TSC2: variants seen among roughly 807,000 people sequenced by gnomAD.
The protein encoded by TSC2 is tuberin.
TSC2 carries 29 observed loss-of-function variants against 202.2 expected under a neutral mutation model. The observed-to-expected ratio is 0.14, with a 90% CI of 0.11 to 0.20. The LOEUF (loss-of-function observed/expected upper bound fraction) is 0.20, where lower values mean the gene tolerates loss of function less well. TSC2 is among the 10% of genes least tolerant of loss of function. TSC2 has a pLI of 1.00. For synonymous variants in TSC2, 1,349 were observed against 1,044.0 expected (o/e 1.29, Z -5.63); for missense variants, 2,429 against 2,420.0 (o/e 1.00, Z -0.08).
At position 2,061,852 on chromosome 16, in the gene TSC2, A is replaced by G; in HGVS notation, c.1120-19A>G. On this transcript the variant is annotated intron_variant, in intron 11 of 41. Transcript: ENST00000219476. ...TGGGGAGTGGAAGTCAGCCTGTGTC[A>G]TCGTGCCTGGTACTGCAGACCTTGG... 1 of 1,614,052 alleles carries G rather than the reference A, an allele frequency of 6.2e-7. No individual in the cohort carries two copies. Among genetic ancestry groups the G allele is most frequent in the Non-Finnish European group, 8.5e-7 (1 of 1,180,010 alleles).
intron 18 of TSC2, 35 bp downstream of exon 18, chr16:2,071,651 AGGGCGTCAGAGGCGCTG>A: frequency 6.2e-7 from 1 of 1,611,068 alleles, no homozygotes; most frequent in South Asian, 1.1e-5. Context: ...CATGAGGCTC[AGGGCGTCAGAGGCGCTG>A]GGGCTGTGGT....
chr16:2,059,809 G>T (rs1596294625), intron 10 of TSC2, among the ~76,000 whole-genome samples: 1 of 152,120 alleles, frequency 6.6e-6, no homozygotes, highest in East Asian at 1.9e-4. Context: ...ATGAGTCACC[G>T]TGCCCGGCCA....
chr16:2,063,463 C>A, intron 14 of TSC2: 1 of 318,352 alleles, frequency 3.1e-6, no homozygotes, highest in South Asian at 3.0e-5. Context: ...TGCGGGCTCT[C>A]CCTCTCCACT....
At chr16:2,059,323 C>CTT (rs2086316499) in intron 10 of TSC2, among the ~76,000 whole-genome samples, 1 of 147,184 alleles carries the variant, frequency 6.8e-6, no homozygotes, top group African/African-American at 2.5e-5. Flanking sequence ...TGGCCAAAGG[C>CTT]TTTTTTCTCT....
rs1385373190 is a variant in TSC2, at chr16:2,070,483, C to G, written c.1744C>G (p.His582Asp). ...QTKLYTLPASHATRVYEMLVS... is the reference protein window; with the variant it reads ...QTKLYTLPASDATRVYEMLVS... ...CAAGCTGTACACCCTGCCTGCAAGC[C>G]ACGCCACGCGTGTGTATGAGATGCT... The change falls in exon 17 of 42, where the codon CAC becomes GAC. Residue 582 changes from histidine to aspartate, a missense_variant. Transcript: ENST00000219476. The G allele has an allele frequency of 1.9e-6, 3 of 1,613,416 alleles. No individual in the cohort carries two copies. The highest frequency in any genetic ancestry group is 2.5e-6 in the Non-Finnish European group (3 of 1,180,030).
intron 38 of TSC2, 68 bp downstream of exon 38, chr16:2,086,939 G>T: frequency 6.5e-7 from 1 of 1,545,940 alleles, no homozygotes; most frequent in East Asian, 2.4e-5. Context: ...CGGGTTGGTG[G>T]CAGGTCCTCC....
Position 2,048,136 on chromosome 16 carries a change from G to C in TSC2, c.-30+71G>C, listed in dbSNP as rs1033855880. On this transcript the variant is annotated intron_variant, in intron 1 of 41. Transcript: ENST00000219476. ...GCGGCCTAGAGAGGCGGACCCCGCA[G>C]TGTCCGGGTCCCGGGCCCTCACCCG... 7.9e-6 allele frequency: 12 copies of C among 1,516,748 alleles called. No individual in the cohort carries two copies. In the African/African-American group the frequency reaches 1.5e-4, roughly 19 times the overall value. The allele number at this position is 1,516,748 out of a possible 1,614,324, so 94.0% of individuals were successfully genotyped here.
intron 20 of TSC2, 76 bp from the exon 21 acceptor site, chr16:2,072,772 AG>A: frequency 6.2e-7 from 1 of 1,608,448 alleles, no homozygotes; most frequent in Non-Finnish European, 8.5e-7. Flanking sequence ...CTGCGTTCCC[AG>A]GGCCTCCCCA....
At chr16:2,082,148 G>A in intron 31 of TSC2, 2 of 593,628 alleles carry the variant, frequency 3.4e-6, no homozygotes, top group East Asian at 2.8e-5. Context: ...TGCGCACTCT[G>A]GGCCCCCACC....
rs919866978 is a variant in TSC2, at chr16:2,073,123, C to T, written c.2355+140C>T. 6 of 1,368,868 alleles carry T rather than the reference C, an allele frequency of 4.4e-6. No individual in the cohort carries two copies. The Admixed American group carries it at 8.0e-5, about 18-fold the overall frequency. 84.8% of individuals were successfully genotyped at this position (1,368,868 alleles called of 1,614,324 possible). On this transcript the variant is annotated intron_variant, in intron 21 of 41. Coordinates refer to ENST00000219476, the MANE Select transcript of TSC2 (RefSeq NM_000548.5). ...GAGTTGGCTCTGCTTCCCTGGGTGG[C>T]TGCCAGATGCCCAGAGTGGGGACAT...
At chr16:2,058,324 G>A (rs1167091112) in intron 9 of TSC2, among the ~76,000 whole-genome samples, 1 of 152,216 alleles carries the variant, frequency 6.6e-6, no homozygotes, top group East Asian at 1.9e-4. Flanking sequence ...GAGTTACTCT[G>A]TTTACTGAGG....
At chr16:2,086,900 GC>G in intron 38 of TSC2, 29 bp downstream of exon 38, 4 of 1,559,122 alleles carry the variant, frequency 2.6e-6, no homozygotes, top group Non-Finnish European at 3.5e-6. Flanking sequence ...GTGAGGCTGG[GC>G]CCCAGGCAGG....
chr16:2,083,068 G>A (rs773509153), intron 32 of TSC2: 25 of 454,500 alleles, frequency 5.5e-5, no homozygotes, highest in African/African-American at 2.4e-4. Flanking sequence ...TGCGTGGGAC[G>A]GGCCCTGGGG....
chr16:2,059,669 G>A (rs1392922557), intron 10 of TSC2, among the ~76,000 whole-genome samples: 3 of 152,086 alleles, frequency 2.0e-5, no homozygotes, highest in Non-Finnish European at 4.4e-5. Context: ...ATAGGCATGG[G>A]CCACTACACA....
chr16:2,063,367 C>G lies in TSC2; in HGVS notation c.1443+314C>G, dbSNP rs867399762. 94 of 523,394 alleles carry G rather than the reference C, an allele frequency of 1.8e-4. No homozygotes were observed. The Middle Eastern group carries it at 4.8e-3, about 27-fold the overall frequency. 32.4% of individuals were successfully genotyped at this position (523,394 alleles called of 1,614,324 possible). A position where few individuals can be genotyped will look rare whatever the true frequency, so the allele number is the denominator to read the frequency against. On this transcript the variant is annotated intron_variant, in intron 14 of 41. Coordinates refer to ENST00000219476, the MANE Select transcript of TSC2 (RefSeq NM_000548.5). ...TCTGTGTGAGTTCGTTTCAGCCAGT[C>G]TTGCATGGGGACATTGTCTTCCGTT...
chr16:2,063,123 C>G (rs1346221869), intron 14 of TSC2, 70 bp downstream of exon 14: 2 of 1,519,066 alleles, frequency 1.3e-6, no homozygotes, highest in African/African-American at 1.4e-5. Context: ...CTCTGTTGTG[C>G]ACGTGCTCCC....
chr16:2,063,164 C>T (rs1032765014), intron 14 of TSC2, 111 bp downstream of exon 14: 1 of 1,284,338 alleles, frequency 7.8e-7, no homozygotes, highest in Admixed American at 2.0e-5. Context: ...GGACTTCGGT[C>T]CTGCCGGACC....
chr16:2,076,759 AGG>A, intron 25 of TSC2, 174 bp downstream of exon 25: 1 of 680,452 alleles, frequency 1.5e-6, no homozygotes, highest in South Asian at 1.8e-5. Flanking sequence ...GCCCCTCAGC[AGG>A]TTGGCCGTGG....
In TSC2 at chr16:2,089,461, G is replaced by A. The variant is rs528351015; in HGVS notation, c.*851G>A. 4.4e-5 allele frequency: 24 copies of A among 546,064 alleles called. No individual in the cohort carries two copies. Among genetic ancestry groups the A allele is most frequent in the Admixed American group, 1.9e-4 (6 of 30,832 alleles). The allele number at this position is 546,064 out of a possible 1,614,324, so 33.8% of individuals were successfully genotyped here. On this transcript the variant is annotated 3_prime_UTR_variant, in exon 42 of 42. Transcript: ENST00000219476. ...CAGCCCGCTGTACCTGAGGACTCGGGGAAATAAATTAGCATCTCAGAGGCT... is the reference window on the plus strand; with the variant it reads ...CAGCCCGCTGTACCTGAGGACTCGGAGAAATAAATTAGCATCTCAGAGGCT...
Sources: gnomAD v4.1 joint callset for allele counts (sites outside exome capture counted in the v4.1 genomes callset) on GRCh38, gnomAD v4.1.1 for gene constraint, MANE v1.5 for transcripts, NCBI Gene and HGNC (gene_info 2026-07-23, HGNC 2026-07-21) for gene names.